CCDC154: variants seen among roughly 807,000 people sequenced by gnomAD.
The protein encoded by CCDC154 is coiled-coil domain-containing protein 154.
Under a neutral mutation model 87.5 loss-of-function variants are expected in CCDC154, and 91 were observed. The observed-to-expected ratio is 1.04, with a 90% confidence interval of 0.88 to 1.24. CCDC154 has a LOEUF of 1.24. Ranked by LOEUF, CCDC154 falls within the 50% of genes most tolerant of loss-of-function variation. The probability of loss-of-function intolerance (pLI) is 0.00; values close to 1 mark genes in which losing one functional copy is unlikely to be tolerated. For missense variants in CCDC154, 903 were observed against 879.2 expected (o/e 1.03, Z -0.34); for synonymous variants, 418 against 400.4 (o/e 1.04, Z -0.52).
At position 1,436,093 on chromosome 16, in the gene CCDC154, G is replaced by A. The variant is rs1355386159; in HGVS notation, c.1488-7C>T. ...GGCCCCAACCTTGAACTCCCTATGG[G>A]CACCAGAGGCCGAGGCTGGCTGTCG... is the stretch of plus-strand genomic sequence containing the variant. On this transcript the variant is annotated splice_polypyrimidine_tract_variant and splice_region_variant and intron_variant, in intron 13 of 16. Coordinates refer to ENST00000389176, the MANE Select transcript of CCDC154 (RefSeq NM_001143980.3). 9.0e-6 allele frequency: 14 copies of A among 1,548,222 alleles called. No homozygotes were observed. The highest frequency in any genetic ancestry group is 1.7e-6 in the Non-Finnish European group (2 of 1,145,256).
chr16:1,438,035 G>A lies in CCDC154; in HGVS notation c.1152+15C>T. The A allele has an allele frequency of 6.5e-7, 1 of 1,545,886 alleles. No homozygotes were observed. Among genetic ancestry groups the A allele is most frequent in the Non-Finnish European group, 8.7e-7 (1 of 1,144,228 alleles). On this transcript the variant is annotated intron_variant, in intron 10 of 16. Transcript: ENST00000389176. ...TGGGAGACCCCGTTGGGGACATGTT[G>A]CGCTACCCCCTCACCAGCACCAGCT... is the stretch of plus-strand genomic sequence containing the variant.
Position 1,435,985 on chromosome 16 carries a change from T to G in CCDC154, c.1589A>C (p.Gln530Pro), listed in dbSNP as rs941358258. 2 of 1,549,554 alleles carry G rather than the reference T, an allele frequency of 1.3e-6. No individual in the cohort carries two copies. Among genetic ancestry groups the G allele is most frequent in the African/African-American group, 2.7e-5 (2 of 72,990 alleles). The change falls in exon 14 of 17, where the codon CAG becomes CCG. Residue 530 changes from glutamine (Q) to proline (P), a missense_variant. Gln to Pro is a moderately conservative substitution (Grantham distance 76). Coordinates refer to ENST00000389176, the MANE Select transcript of CCDC154 (RefSeq NM_001143980.3). ...DNPGRKIAEM[Q>P]GKLATFQNQI... ...CAGGACTACCGTGGCCAGCTTGCCC[T>G]GCATCTCCGCGATCTTCCGCCCAGG...
At chr16:1,434,591 C>G in intron 16 of CCDC154, 57 bp from the exon 17 acceptor site, 2 of 1,518,428 alleles carry the variant, frequency 1.3e-6, no homozygotes, top group South Asian at 2.4e-5. Flanking sequence ...CCATGGCCCA[C>G]CTGCTGCCTG....
Position 1,435,625 on chromosome 16 carries a change from G to A in CCDC154, c.1605+344C>T, listed in dbSNP as rs563335547. The stretch of plus-strand genomic sequence containing the variant: ...ACCGCAACCTCCACCTTCCAGGTTC[G>A]AGTGATTCTCCTGCCTCAGCCTCCC... On this transcript the variant is annotated intron_variant, in intron 14 of 16. Coordinates refer to ENST00000389176, the MANE Select transcript of CCDC154 (RefSeq NM_001143980.3). Among the ~76,000 whole-genome samples the A allele has an allele frequency of 9.8e-5, 15 of 152,288 alleles. No homozygotes were observed. The East Asian group carries it at 1.9e-3, about 20-fold the overall frequency.
At chr16:1,443,060 G>T in intron 4 of CCDC154, 85 bp from the exon 5 acceptor site, 1 of 1,481,860 alleles carries the variant, frequency 6.7e-7, no homozygotes, top group Non-Finnish European at 9.2e-7. Flanking sequence ...GGGCCCCTGT[G>T]GCCACCTCCC....
At position 1,439,059 on chromosome 16, in the gene CCDC154, C is replaced by A. The variant is rs2038528270; in HGVS notation, c.743G>T (p.Gly248Val). The change falls in exon 7 of 17, where the codon GGC becomes GTC. Residue 248 changes from glycine to valine, a missense_variant. Physicochemically the swap from Gly to Val is moderately radical, Grantham distance 109. Coordinates refer to ENST00000389176, the MANE Select transcript of CCDC154 (RefSeq NM_001143980.3). ...GGCCAGGAAGCTCTTCTGCAGGAAG[C>A]CGCACAGCTTGGCCTCCCTCTTCAG... Reference protein sequence around the residue: ...RFLKREAKLCGFLQKSFLALE... With the variant: ...RFLKREAKLCVFLQKSFLALE... 6.5e-7 allele frequency: 1 copy of A among 1,550,304 alleles called. No individual in the cohort carries two copies. The highest frequency in any genetic ancestry group is 1.2e-5 in the South Asian group (1 of 84,066).
rs964177036 is a variant in CCDC154 at position 1,439,115 on chromosome 16, G to C, written c.687C>G (p.Thr229=). Residue 229 remains threonine (T), a synonymous_variant, in exon 7 of 17, where the codon ACC becomes ACG. Coordinates refer to ENST00000389176, the MANE Select transcript of CCDC154 (RefSeq NM_001143980.3). Reference sequence around the variant, plus strand: ...GCAGGCTCACCTCTTCGCCGAGCTTGGTCACCTGGGCCTGGGGCGGAGGCA... The same window carrying C: ...GCAGGCTCACCTCTTCGCCGAGCTTCGTCACCTGGGCCTGGGGCGGAGGCA... ...LEVARMQAQV[T]KLGEEVSLRF... The C allele has an allele frequency of 1.0e-5, 16 of 1,549,988 alleles. No individual in the cohort carries two copies. The Admixed American group carries it at 1.4e-4, about 13-fold the overall frequency.
In CCDC154 at chr16:1,438,729, G is replaced by C. The variant is rs2038524298; in HGVS notation, c.915C>G (p.His305Gln). ...RALQGQHEES[H>Q]LLEQCQGLDA... ...CCAGGCCCTGGCACTGCTCCAGGAG[G>C]TGGCTCTCCTGCCAGGGGGTGGAGG... The change falls in exon 9 of 17, where the codon CAC becomes CAG. Residue 305 changes from histidine (H) to glutamine (Q), a missense_variant. Physicochemically the swap from His to Gln is conservative, Grantham distance 24 (BLOSUM62 0). Transcript: ENST00000389176. 8 of 1,549,590 alleles carry C rather than the reference G, an allele frequency of 5.2e-6. No homozygotes were observed. The highest frequency in any genetic ancestry group is 7.0e-6 in the Non-Finnish European group (8 of 1,146,528).
intron 13 of CCDC154, 93 bp from the exon 14 acceptor site, chr16:1,436,179 G>T: frequency 9.0e-7 from 1 of 1,113,014 alleles, no homozygotes; most frequent in Non-Finnish European, 1.3e-6. Flanking sequence ...CCACCACAGG[G>T]TTAAGGAGGC....
At position 1,436,323 on chromosome 16, in the gene CCDC154, G is replaced by A. The variant is rs556126992; in HGVS notation, c.1487+122C>T. On this transcript the variant is annotated intron_variant, in intron 13 of 16. Coordinates refer to ENST00000389176, the MANE Select transcript of CCDC154 (RefSeq NM_001143980.3). ...GTGAGCCCGGTGCTGGGCCAGGCCC[G>A]GGCTCAGGGGGAACAGGTCTGTCAC... The A allele has an allele frequency of 4.6e-5, 45 of 981,608 alleles. 1 individual carries two copies. The South Asian group carries it at 4.8e-4, about 11-fold the overall frequency. 60.8% of individuals were successfully genotyped at this position (981,608 alleles called of 1,614,324 possible). A position where few individuals can be genotyped will look rare whatever the true frequency, so the allele number is the denominator to read the frequency against.
In CCDC154 at chr16:1,435,186, C is replaced by T. The variant is rs375556708; in HGVS notation, c.1606-11G>A. Reference sequence around the variant, plus strand: ...TATTTGGTTCTGAAACTAAACATGGCCCCCATTTGGGCACAGACAGGGCCA... The same window carrying T: ...TATTTGGTTCTGAAACTAAACATGGTCCCCATTTGGGCACAGACAGGGCCA... On this transcript the variant is annotated splice_polypyrimidine_tract_variant and intron_variant, in intron 14 of 16. Coordinates refer to ENST00000389176, the MANE Select transcript of CCDC154 (RefSeq NM_001143980.3). 1.1e-5 allele frequency: 17 copies of T among 1,549,844 alleles called. No homozygotes were observed. In the African/African-American group the frequency reaches 1.6e-4, roughly 15 times the overall value.
intron 6 of CCDC154, among the ~76,000 whole-genome samples, chr16:1,441,180 C>T (rs1303518606): frequency 6.6e-6 from 1 of 152,212 alleles, no homozygotes; most frequent in Admixed American, 6.5e-5. Context: ...CACTCAGACA[C>T]CCGGACTCAG....
chr16:1,439,062 C>G lies in CCDC154; in HGVS notation c.740G>C (p.Cys247Ser). 3 of 1,550,310 alleles carry G rather than the reference C, an allele frequency of 1.9e-6. No homozygotes were observed. ...CAGGAAGCTCTTCTGCAGGAAGCCG[C>G]ACAGCTTGGCCTCCCTCTTCAGGAA... ...LRFLKREAKL[C>S]GFLQKSFLAL... Residue 247 changes from cysteine to serine, a missense_variant, in exon 7 of 17, where the codon TGC becomes TCC. Transcript: ENST00000389176.
At position 1,444,553 on chromosome 16, in the gene CCDC154, C is replaced by T. The variant is rs1389269194; in HGVS notation, c.-231G>A. The T allele has an allele frequency of 3.0e-6, 1 of 337,652 alleles. No individual in the cohort carries two copies. Among genetic ancestry groups the T allele is most frequent in the South Asian group, 2.2e-5 (1 of 44,624 alleles). 20.9% of individuals were successfully genotyped at this position (337,652 alleles called of 1,614,324 possible). A position where few individuals can be genotyped will look rare whatever the true frequency, so the allele number is the denominator to read the frequency against. On this transcript the variant is annotated 5_prime_UTR_variant, in exon 1 of 17. Transcript: ENST00000389176. ...CGTTCCAGAACCTTCCTTCTCTCCC[C>T]AGAACCTCACGGCTTCACAGCCCAA...
At chr16:1,442,638 C>T (rs2038562423) in intron 5 of CCDC154, 109 bp from the exon 6 acceptor site, 2 of 1,284,264 alleles carry the variant, frequency 1.6e-6, no homozygotes, top group Non-Finnish European at 2.1e-6. Flanking sequence ...CCGCCCCCTG[C>T]CCCACCAGAA....
intron 6 of CCDC154, among the ~76,000 whole-genome samples, chr16:1,441,645 G>A (rs1405631106): frequency 6.6e-6 from 1 of 152,198 alleles, no homozygotes; most frequent in Non-Finnish European, 1.5e-5. Context: ...CCGTGGAAGG[G>A]GCTTCGGGGC....
In CCDC154 at chr16:1,443,591, C is replaced by A; in HGVS notation, c.329G>T (p.Arg110Leu). ...CAGCTCTGAGCCCTGCAGCTGCACG[C>A]GGGCCCGCACCTGGAGCAGCTCCCG... ...LLRELLQVRA[R>L]VQLQGSELRQ... The change falls in exon 3 of 17, where the codon CGC becomes CTC. Residue 110 changes from arginine (R) to leucine (L), a missense_variant. Arg to Leu is a moderately radical substitution (Grantham distance 102). Transcript: ENST00000389176. 3 of 1,454,402 alleles carry A rather than the reference C, an allele frequency of 2.1e-6. No homozygotes were observed. The highest frequency in any genetic ancestry group is 1.2e-5 in the South Asian group (1 of 80,280). 90.1% of individuals were successfully genotyped at this position (1,454,402 alleles called of 1,614,324 possible). A position where few individuals can be genotyped will look rare whatever the true frequency, so the allele number is the denominator to read the frequency against.
chr16:1,438,867 T>C lies in CCDC154; in HGVS notation c.854A>G (p.Lys285Arg). 2 of 1,548,816 alleles carry C rather than the reference T, an allele frequency of 1.3e-6. No homozygotes were observed. Among genetic ancestry groups the C allele is most frequent in the Non-Finnish European group, 1.7e-6 (2 of 1,146,488 alleles). Residue 285 changes from lysine (K) to arginine (R), a missense_variant, in exon 8 of 17, where the codon AAG (lysine) becomes AGG (arginine). By Grantham distance (26) the Lys-to-Arg change is conservative (BLOSUM62 2). Coordinates refer to ENST00000389176, the MANE Select transcript of CCDC154 (RefSeq NM_001143980.3). ...LRGELESRWEKLRGLMEERLR... is the reference protein window; with the variant it reads ...LRGELESRWERLRGLMEERLR... ...GCGCTCCTCCATCAGCCCCCGAAGC[T>C]TCTCCCACCGGCTCTCCAGCTCGCC...
intron 16 of CCDC154, 23 bp downstream of exon 16, chr16:1,434,645 G>T: frequency 2.0e-6 from 3 of 1,492,814 alleles, no homozygotes; most frequent in East Asian, 2.7e-5. Flanking sequence ...CCAGGAGGCC[G>T]CGCCGGGATC....
Sources: gnomAD v4.1 joint callset for allele counts (sites outside exome capture counted in the v4.1 genomes callset) on GRCh38, gnomAD v4.1.1 for gene constraint, MANE v1.5 for transcripts, NCBI Gene and HGNC (gene_info 2026-07-23, HGNC 2026-07-21) for gene names.